FAM184A: variants seen among roughly 807,000 people sequenced by gnomAD.
FAM184A encodes protein FAM184A.
Under a neutral mutation model 143.8 loss-of-function variants are expected in FAM184A, and 99 were observed. The observed-to-expected ratio is 0.69, with a 90% confidence interval of 0.58 to 0.81. The LOEUF is 0.81. FAM184A is among the 40% of genes least tolerant of loss of function. The probability of loss-of-function intolerance (pLI) is 0.00; values close to 1 mark genes in which losing one functional copy is unlikely to be tolerated. For missense variants in FAM184A, 1,217 were observed against 1,310.5 expected (o/e 0.93, Z 1.10); for synonymous variants, 427 against 446.4 (o/e 0.96, Z 0.55).
chr6:119,030,114 T>C lies in FAM184A; in HGVS notation c.160-5301A>G, dbSNP rs1413749101. Among the ~76,000 whole-genome samples the C allele has an allele frequency of 2.6e-5, 4 of 152,172 alleles. No individual in the cohort carries two copies. In the East Asian group the frequency reaches 7.7e-4, roughly 29 times the overall value. On this transcript the variant is annotated intron_variant, in intron 1 of 17. Transcript: ENST00000338891. ...CCAATTAAGAGATTCTGGAAGCATA[T>C]TTTATAAAAGAATATATATTCATGC...
intron 1 of FAM184A, among the ~76,000 whole-genome samples, chr6:119,104,803 G>A (rs1788735597): frequency 6.6e-6 from 1 of 152,130 alleles, no homozygotes; most frequent in Non-Finnish European, 1.5e-5. Flanking sequence ...AGTGCAGAAA[G>A]CTACTACCCA....
At chr6:118,994,877 G>A (rs912871741) in intron 9 of FAM184A, among the ~76,000 whole-genome samples, 2 of 151,898 alleles carry the variant, frequency 1.3e-5, no homozygotes, top group East Asian at 3.9e-4. Flanking sequence ...ATTGCCATAG[G>A]GCTTAATAAA....
At chr6:119,076,446 T>C (rs962855198) in intron 1 of FAM184A, among the ~76,000 whole-genome samples, 3 of 152,120 alleles carry the variant, frequency 2.0e-5, no homozygotes, top group African/African-American at 4.8e-5. Flanking sequence ...GGTAATGTCA[T>C]GGGAGAAAAC....
Position 119,147,010 on chromosome 6 carries a change from C to T in FAM184A, c.-202+2068G>A, listed in dbSNP as rs543912974. On this transcript the variant is annotated intron_variant, in intron 1 of 16. Transcript: ENST00000352896. ...TTTATTATCAGGATAGAGCCAGGGC[C>T]CCAAACCCTAGTTAGAGGCACTAAG... is the stretch of plus-strand genomic sequence containing the variant. Among the ~76,000 whole-genome samples the T allele has an allele frequency of 5.3e-5, 8 of 151,938 alleles. 1 individual carries two copies. In the South Asian group the frequency reaches 1.7e-3, roughly 32 times the overall value.
chr6:118,996,631 A>G (rs1349507138), intron 9 of FAM184A, among the ~76,000 whole-genome samples: 1 of 152,090 alleles, frequency 6.6e-6, no homozygotes, highest in African/African-American at 2.4e-5. Context: ...GGCTAGAGAG[A>G]GGACTCAGAG....
At chr6:119,051,299 C>T (rs74792383) in intron 1 of FAM184A, among the ~76,000 whole-genome samples, 2,467 of 152,250 alleles carry the variant, frequency 0.016, 60 homozygotes, top group African/African-American at 0.056. Flanking sequence ...CAAAACACTA[C>T]GTGTTCTCAC....
intron 1 of FAM184A, among the ~76,000 whole-genome samples, chr6:119,143,514 G>A (rs1054706258): frequency 6.6e-6 from 1 of 152,170 alleles, no homozygotes; most frequent in Non-Finnish European, 1.5e-5. Flanking sequence ...TTGTGCACTC[G>A]TGTACACAGC....
At chr6:119,089,186 C>CTTTATTTA (rs78123118) in intron 1 of FAM184A, among the ~76,000 whole-genome samples, 22 of 142,446 alleles carry the variant, frequency 1.5e-4, no homozygotes, top group South Asian at 8.9e-4. Context: ...ATCTCTCTCT[C>CTTTATTTA]TTTATTTATT....
chr6:119,138,481 G>A (rs1017826272), intron 1 of FAM184A, among the ~76,000 whole-genome samples: 4 of 152,098 alleles, frequency 2.6e-5, no homozygotes, highest in South Asian at 2.1e-4. Flanking sequence ...TTCTAGAAGC[G>A]ACCTGCCTTC....
chr6:118,970,486 T>C (rs1348118859), intron 14 of FAM184A, among the ~76,000 whole-genome samples: 1 of 152,274 alleles, frequency 6.6e-6, no homozygotes, highest in East Asian at 1.9e-4. Flanking sequence ...AATTTTTCAG[T>C]AGTGATAAAT....
chr6:118,993,763 G>A (rs1219614857), intron 9 of FAM184A, among the ~76,000 whole-genome samples: 1 of 152,210 alleles, frequency 6.6e-6, no homozygotes, highest in African/African-American at 2.4e-5. Flanking sequence ...AGGCTTCTAA[G>A]AGGAAAGCAA....
chr6:119,012,207 G>C (rs1194751077), intron 5 of FAM184A, among the ~76,000 whole-genome samples: 1 of 152,120 alleles, frequency 6.6e-6, no homozygotes, highest in Non-Finnish European at 1.5e-5. Context: ...ACCACAAAGG[G>C]ACAAAGGAGC....
intron 1 of FAM184A, among the ~76,000 whole-genome samples, chr6:119,026,406 C>G (rs1399554070): frequency 6.6e-6 from 1 of 152,092 alleles, no homozygotes; most frequent in Non-Finnish European, 1.5e-5. Context: ...CCCCTTGGGT[C>G]ATATCCGCCC....
chr6:119,050,528 C>T (rs187588870), intron 1 of FAM184A, among the ~76,000 whole-genome samples: 1 of 151,922 alleles, frequency 6.6e-6, no homozygotes, highest in South Asian at 2.1e-4. Context: ...GATCATAGGC[C>T]GGGCGCGGTG....
chr6:118,989,717 T>G (rs1042391642), intron 9 of FAM184A, among the ~76,000 whole-genome samples: 8 of 151,872 alleles, frequency 5.3e-5, no homozygotes. Flanking sequence ...TACTCAATAT[T>G]CTTTATACAA....
chr6:119,103,869 G>A (rs1455609667), intron 1 of FAM184A, among the ~76,000 whole-genome samples: 1 of 148,844 alleles, frequency 6.7e-6, no homozygotes, highest in African/African-American at 2.5e-5. Context: ...GGAGGTTGCA[G>A]TGAGCAGAGA....
chr6:119,115,970 A>ACACAC (rs1789047606), intron 1 of FAM184A, among the ~76,000 whole-genome samples: 1 of 137,294 alleles, frequency 7.3e-6, no homozygotes, highest in African/African-American at 2.7e-5. Context: ...CTCCGTCTCA[A>ACACAC]ACACACACAC....
At chr6:119,117,097 G>A (rs1339823253) in intron 1 of FAM184A, among the ~76,000 whole-genome samples, 4 of 152,334 alleles carry the variant, frequency 2.6e-5, no homozygotes, top group Middle Eastern at 3.4e-3. Flanking sequence ...CAGGGGACAC[G>A]ATTGCAATCA....
chr6:119,107,792 A>AG (rs1554197045), intron 1 of FAM184A, among the ~76,000 whole-genome samples: 2 of 136,452 alleles, frequency 1.5e-5, no homozygotes, highest in Admixed American at 7.9e-5. Context: ...AAAAAAAAAA[A>AG]AAAGAAAGAA....
Sources: allele counts gnomAD v4.1 joint callset (sites outside exome capture counted in the v4.1 genomes callset), GRCh38; gene constraint gnomAD v4.1.1; transcripts MANE v1.5; gene names NCBI Gene and HGNC (gene_info 2026-07-23, HGNC 2026-07-21).